SGCB: variants seen among roughly 807,000 people sequenced by gnomAD.
SGCB encodes beta-sarcoglycan.
In SGCB, 25 loss-of-function variants were observed where a neutral mutation model predicts 27.3. The observed-to-expected ratio is 0.92, with a 90% CI of 0.67 to 1.28. SGCB has a LOEUF of 1.28. Among genes scored for constraint, SGCB ranks in the 50% most tolerant of loss-of-function variants. The pLI is 0.00. For missense variants in SGCB, 436 were observed against 402.1 expected (o/e 1.08, Z -0.72); for synonymous variants, 147 against 133.5 (o/e 1.10, Z -0.70).
chr4:52,036,070 C>CTGT (rs1578129062), intron 1 of SGCB, among the ~76,000 whole-genome samples: 2 of 152,326 alleles, frequency 1.3e-5, no homozygotes, highest in East Asian at 3.9e-4. Context: ...AGGTGACTAA[C>CTGT]AGTTCACAAA....
chr4:52,026,447 C>T (rs1737098877), intron 5 of SGCB, among the ~76,000 whole-genome samples: 3 of 151,750 alleles, frequency 2.0e-5, no homozygotes, highest in South Asian at 2.1e-4. Context: ...TTAGTAGAGA[C>T]GGGGTTTCGC....
At chr4:52,028,398 G>C (rs1444795273) in intron 4 of SGCB, among the ~76,000 whole-genome samples, 1 of 152,144 alleles carries the variant, frequency 6.6e-6, no homozygotes, top group Non-Finnish European at 1.5e-5. Flanking sequence ...AGCACTTTGG[G>C]AGGCCGAGAC....
chr4:52,021,720 G>A lies in SGCB; in HGVS notation c.*2237C>T, dbSNP rs1365980462. 2 of 152,110 alleles carry A rather than the reference G, an allele frequency of 1.3e-5. No homozygotes were observed. Among genetic ancestry groups the A allele is most frequent in the African/African-American group, 4.8e-5 (2 of 41,426 alleles). The allele number at this position is 152,110 out of a possible 1,614,324, so 9.4% of individuals were successfully genotyped here. On this transcript the variant is annotated 3_prime_UTR_variant, in exon 6 of 6. Transcript: ENST00000381431. ...AAGCCATAAGTAAAATGGAGAGTTT[G>A]CCCTGTTCTGCTTTCTAATAGATTT...
intron 5 of SGCB, among the ~76,000 whole-genome samples, chr4:52,025,198 G>T (rs1191296812): frequency 6.6e-6 from 1 of 152,120 alleles, no homozygotes; most frequent in African/African-American, 2.4e-5. Flanking sequence ...TGTTTTAATG[G>T]GGTAGGGGGA....
chr4:52,038,246 G>T lies in SGCB; in HGVS notation c.14C>A (p.Ala5Glu), dbSNP rs886158091. 3.9e-6 allele frequency: 5 copies of T among 1,292,824 alleles called. No individual in the cohort carries two copies. The Admixed American group carries it at 9.1e-5, about 23-fold the overall frequency. The allele number at this position is 1,292,824 out of a possible 1,614,324, so 80.1% of individuals were successfully genotyped here. A position where few individuals can be genotyped will look rare whatever the true frequency, so the allele number is the denominator to read the frequency against. The change falls in exon 1 of 6, where the codon GCG becomes GAG. Residue 5 changes from alanine to glutamate, a missense_variant. Coordinates refer to ENST00000381431, the MANE Select transcript of SGCB (RefSeq NM_000232.5). ...ACAGACCTGTTCTGCAGCCGCCGCC[G>T]CCGCTGCCGCCATCTTCCCGCGCCC... Reference protein sequence around the residue: MAAAAAAAAEQQSSN... With the variant: MAAAEAAAAEQQSSN...
intron 1 of SGCB, among the ~76,000 whole-genome samples, chr4:52,034,250 T>TGAACCCGG (rs1445717651): frequency 3.0e-5 from 1 of 33,860 alleles, no homozygotes; most frequent in African/African-American, 4.7e-5. Context: ...GAGAATGGCG[T>TGAACCCGG]GAACCCGGGA....
At chr4:52,032,822 C>A (rs1737287059) in intron 2 of SGCB, among the ~76,000 whole-genome samples, 1 of 152,134 alleles carries the variant, frequency 6.6e-6, no homozygotes, top group Non-Finnish European at 1.5e-5. Context: ...AGATTTAACC[C>A]CAGACAGTCA....
Position 52,028,830 on chromosome 4 carries a change from C to A in SGCB, c.521G>T (p.Arg174Met). The A allele has an allele frequency of 6.2e-7, 1 of 1,613,024 alleles. No individual in the cohort carries two copies. Among genetic ancestry groups the A allele is most frequent in the Non-Finnish European group, 8.5e-7 (1 of 1,179,188 alleles). The change falls in exon 4 of 6, where the codon AGG becomes ATG. Residue 174 changes from arginine (R) to methionine (M), a missense_variant. By Grantham distance (91) the Arg-to-Met change is moderately conservative (BLOSUM62 -1). Coordinates refer to ENST00000381431, the MANE Select transcript of SGCB (RefSeq NM_000232.5). ...SDIGMQFFDP[R>M]TQNILFSTDY... ...TGTGCTGAATAAGATATTTTGAGTCCTCGGGTCAAAAAACTGCATGCCGAT... is the reference window on the plus strand; with the variant it reads ...TGTGCTGAATAAGATATTTTGAGTCATCGGGTCAAAAAACTGCATGCCGAT...
chr4:52,022,859 T>C lies in SGCB; in HGVS notation c.*1098A>G, dbSNP rs1358002855. The C allele has an allele frequency of 1.3e-5, 2 of 152,230 alleles. No homozygotes were observed. Among genetic ancestry groups the C allele is most frequent in the Non-Finnish European group, 2.9e-5 (2 of 68,030 alleles). The allele number at this position is 152,230 out of a possible 1,614,324, so 9.4% of individuals were successfully genotyped here. A position where few individuals can be genotyped will look rare whatever the true frequency, so the allele number is the denominator to read the frequency against. ...TTTGACCTCTCCATCGTATAATATT[T>C]TGGAATTGGCCCAACATAGCTTACA... is the stretch of plus-strand genomic sequence containing the variant. On this transcript the variant is annotated 3_prime_UTR_variant, in exon 6 of 6. Coordinates refer to ENST00000381431, the MANE Select transcript of SGCB (RefSeq NM_000232.5).
Position 52,038,275 on chromosome 4 carries a change from G to T in SGCB, c.-16C>A. 1 of 1,292,656 alleles carries T rather than the reference G, an allele frequency of 7.7e-7. No homozygotes were observed. Among genetic ancestry groups the T allele is most frequent in the Non-Finnish European group, 9.8e-7 (1 of 1,018,076 alleles). The allele number at this position is 1,292,656 out of a possible 1,614,324, so 80.1% of individuals were successfully genotyped here. ...CTGCCGCCATCTTCCCGCGCCCGCCGCCGCCGAGCTCCCCGCCCGACTGTG... is the reference window on the plus strand; with the variant it reads ...CTGCCGCCATCTTCCCGCGCCCGCCTCCGCCGAGCTCCCCGCCCGACTGTG... On this transcript the variant is annotated 5_prime_UTR_variant, in exon 1 of 6. Transcript: ENST00000381431.
intron 5 of SGCB, 70 bp downstream of exon 5, chr4:52,027,898 A>T (rs1737142207): frequency 1.5e-6 from 2 of 1,355,848 alleles, no homozygotes; most frequent in African/African-American, 2.9e-5. Flanking sequence ...ATAATTGTAT[A>T]CTATTCCACA....
At position 52,033,631 on chromosome 4, in the gene SGCB, T is replaced by C; in HGVS notation, c.43A>G (p.Asn15Asp). 6.2e-7 allele frequency: 1 copy of C among 1,613,012 alleles called. No homozygotes were observed. The part of the protein sequence containing the change: ...AAAAAEQQSS[N>D]GPVKKSMREK... ...CGCATGGACTTCTTTACAGGACCAT[T>C]GGAACTTTGCTAAAAATGAAATACA... The change falls in exon 2 of 6, where the codon AAT becomes GAT. Residue 15 changes from asparagine to aspartate, a missense_variant. Coordinates refer to ENST00000381431, the MANE Select transcript of SGCB (RefSeq NM_000232.5).
At chr4:52,034,237 CA>C in intron 1 of SGCB, among the ~76,000 whole-genome samples, 1 of 87,422 alleles carries the variant, frequency 1.1e-5, no homozygotes, top group African/African-American at 2.9e-5. Context: ...GAGGCTGAGG[CA>C]GGAGAATGGC....
At chr4:52,034,552 A>G (rs1737336103) in intron 1 of SGCB, among the ~76,000 whole-genome samples, 1 of 151,966 alleles carries the variant, frequency 6.6e-6, no homozygotes, top group Non-Finnish European at 1.5e-5. Context: ...CAAAAACTGC[A>G]CCACTTTATA....
chr4:52,031,392 C>CTGTGTG (rs55972642), intron 2 of SGCB, among the ~76,000 whole-genome samples: 11 of 140,150 alleles, frequency 7.8e-5, no homozygotes, highest in African/African-American at 2.0e-4. Context: ...CCATTCATCT[C>CTGTGTG]TGTGTGTGTG....
chr4:52,027,337 TA>T (rs1737125444), intron 5 of SGCB, among the ~76,000 whole-genome samples: 1 of 152,094 alleles, frequency 6.6e-6, no homozygotes, highest in African/African-American at 2.4e-5. Context: ...TTTAATCTGT[TA>T]AGCACAAAGA....
chr4:52,022,602 C>T lies in SGCB; in HGVS notation c.*1355G>A, dbSNP rs1736983024. The stretch of plus-strand genomic sequence containing the variant: ...TACCTAAAAATTATGTGTATTATTT[C>T]CTGCATTAGCACTCTTTAGTCCAGT... On this transcript the variant is annotated 3_prime_UTR_variant, in exon 6 of 6. Transcript: ENST00000381431. The T allele has an allele frequency of 6.6e-6, 1 of 152,186 alleles. No homozygotes were observed. The highest frequency in any genetic ancestry group is 6.5e-5 in the Admixed American group (1 of 15,292). 9.4% of individuals were successfully genotyped at this position (152,186 alleles called of 1,614,324 possible).
At chr4:52,026,537 G>GTT (rs1185785476) in intron 5 of SGCB, among the ~76,000 whole-genome samples, 1 of 152,062 alleles carries the variant, frequency 6.6e-6, no homozygotes, top group African/African-American at 2.4e-5. Context: ...GATTACAGGC[G>GTT]TAAGTCATCG....
At position 52,033,583 on chromosome 4, in the gene SGCB, T is replaced by A; in HGVS notation, c.91A>T (p.Ser31Cys). 1 of 1,613,950 alleles carries A rather than the reference T, an allele frequency of 6.2e-7. No homozygotes were observed. Among genetic ancestry groups the A allele is most frequent in the Non-Finnish European group, 8.5e-7 (1 of 1,179,854 alleles). The change falls in exon 2 of 6, where the codon AGT becomes TGT. Residue 31 changes from serine to cysteine, a missense_variant. Coordinates refer to ENST00000381431, the MANE Select transcript of SGCB (RefSeq NM_000232.5). ...SMREKAVERR[S>C]VNKEHNSNFK... ...TTACTGTTGTGCTCTTTATTGACAC[T>A]CCTTCTCTCAACAGCCTTCTCACGC...
Sources: allele counts gnomAD v4.1 joint callset (sites outside exome capture counted in the v4.1 genomes callset), GRCh38; gene constraint gnomAD v4.1.1; transcripts MANE v1.5; gene names NCBI Gene and HGNC (gene_info 2026-07-23, HGNC 2026-07-21).